The following STAU2 variants were observed in gnomAD, a reference collection of about 807,000 sequenced individuals.
STAU2 encodes the protein staufen double-stranded RNA binding protein 2.
STAU2 carries 20 observed loss-of-function variants against 65.9 expected under a neutral mutation model. The ratio of observed to expected loss-of-function variants is 0.30; its 90% CI spans 0.21 to 0.44. The LOEUF (loss-of-function observed/expected upper bound fraction) is 0.44. Ranked by LOEUF, STAU2 falls within the 20% of genes least tolerant of loss-of-function variation. The pLI, the probability that STAU2 is intolerant of heterozygous loss-of-function variation, is 1.00. For missense variants in STAU2, 558 were observed against 683.9 expected, an observed-to-expected ratio of 0.82 and a Z score of 2.05; for synonymous variants, 232 against 233.9, an observed-to-expected ratio of 0.99 and a Z score of 0.07.
intron 6 of STAU2, among the ~76,000 whole-genome samples, chr8:73,622,145 T>TTTTTGTTTC (rs1403757136): frequency 1.5e-5 from 1 of 65,020 alleles, no homozygotes; most frequent in Non-Finnish European, 2.6e-5. Flanking sequence ...TTTTTTTTTT[T>TTTTTGTTTC]GAGACGGAGT....
At chr8:73,583,188 C>T (rs1784904684) in intron 11 of STAU2, among the ~76,000 whole-genome samples, 4 of 151,178 alleles carry the variant, frequency 2.6e-5, no homozygotes, top group Admixed American at 2.6e-4. Flanking sequence ...ATTCTGTCGC[C>T]CAGGCTGGAA....
intron 6 of STAU2, among the ~76,000 whole-genome samples, chr8:73,644,636 A>G (rs945752782): frequency 6.6e-6 from 1 of 152,172 alleles, no homozygotes; most frequent in African/African-American, 2.4e-5. Flanking sequence ...AAAAAACTAT[A>G]CATAAAAGCA....
At chr8:73,711,732 T>C (rs957962667) in intron 3 of STAU2, among the ~76,000 whole-genome samples, 1 of 152,158 alleles carries the variant, frequency 6.6e-6, no homozygotes, top group Non-Finnish European at 1.5e-5. Flanking sequence ...ATAAAACTTA[T>C]ATTCCATTAA....
intron 5 of STAU2, 117 bp downstream of exon 5, chr8:73,688,533 GGTAT>G: frequency 3.4e-6 from 2 of 585,306 alleles, no homozygotes; most frequent in Non-Finnish European, 6.0e-6. Flanking sequence ...TGTGTGTGTA[GGTAT>G]GGGCATATGT....
chr8:73,457,610 C>T (rs1009078225), intron 13 of STAU2, among the ~76,000 whole-genome samples: 1 of 152,344 alleles, frequency 6.6e-6, no homozygotes, highest in South Asian at 2.1e-4. Flanking sequence ...GTCCCTATGA[C>T]GCCAAGGCTT....
intron 6 of STAU2, among the ~76,000 whole-genome samples, chr8:73,629,633 C>T (rs573961255): frequency 1.3e-5 from 2 of 152,284 alleles, no homozygotes; most frequent in East Asian, 3.9e-4. Context: ...AGATTATTGA[C>T]AGTAATCATT....
At chr8:73,624,570 T>A (rs1043494559) in intron 6 of STAU2, among the ~76,000 whole-genome samples, 1 of 152,162 alleles carries the variant, frequency 6.6e-6, no homozygotes, top group African/African-American at 2.4e-5. Context: ...ATTTTACAGA[T>A]GAGGAAACTG....
At chr8:73,504,713 GA>G (rs1027833548) in intron 13 of STAU2, among the ~76,000 whole-genome samples, 4 of 141,454 alleles carry the variant, frequency 2.8e-5, no homozygotes, top group African/African-American at 5.2e-5. Flanking sequence ...CAGCTGATTT[GA>G]AAAAAAAAAC....
intron 6 of STAU2, among the ~76,000 whole-genome samples, chr8:73,671,074 AC>A (rs1484398103): frequency 6.6e-6 from 1 of 152,060 alleles, no homozygotes; most frequent in Non-Finnish European, 1.5e-5. Flanking sequence ...AAAAAGGATA[AC>A]AAATATCTAA....
intron 5 of STAU2, among the ~76,000 whole-genome samples, chr8:73,681,888 T>G (rs1168794231): frequency 6.6e-6 from 1 of 152,008 alleles, no homozygotes; most frequent in African/African-American, 2.4e-5. Context: ...AAGAGGGACA[T>G]TACATAATGA....
At chr8:73,452,566 T>G (rs1818855483) in intron 13 of STAU2, among the ~76,000 whole-genome samples, 1 of 152,220 alleles carries the variant, frequency 6.6e-6, no homozygotes, top group South Asian at 2.1e-4. Context: ...GCTGTGCTCT[T>G]CCCTCTCCTT....
chr8:73,514,945 T>C (rs1236428787), intron 13 of STAU2, among the ~76,000 whole-genome samples: 1 of 152,216 alleles, frequency 6.6e-6, no homozygotes, highest in Non-Finnish European at 1.5e-5. Context: ...TAGCATCTAG[T>C]ACAGTGGTGG....
chr8:73,504,679 T>C (rs1821958752), intron 13 of STAU2, among the ~76,000 whole-genome samples: 1 of 151,982 alleles, frequency 6.6e-6, no homozygotes, highest in African/African-American at 2.4e-5. Context: ...ATAAATAAGG[T>C]TGTCTCCTTT....
intron 6 of STAU2, among the ~76,000 whole-genome samples, chr8:73,631,976 A>G (rs1814124035): frequency 6.9e-6 from 1 of 145,690 alleles, no homozygotes; most frequent in Non-Finnish European, 1.5e-5. Context: ...GAGAGGAGGG[A>G]TAAGGACGAG....
chr8:73,532,181 T>A (rs1298444981), intron 13 of STAU2, among the ~76,000 whole-genome samples: 1 of 152,136 alleles, frequency 6.6e-6, no homozygotes, highest in Non-Finnish European at 1.5e-5. Context: ...GCAATAAGAT[T>A]CTAAGTTCCA....
intron 13 of STAU2, among the ~76,000 whole-genome samples, chr8:73,423,445 T>C (rs561344458): frequency 6.6e-6 from 1 of 152,322 alleles, no homozygotes; most frequent in South Asian, 2.1e-4. Context: ...TGTTATTTCT[T>C]TGAGTAAGAA....
intron 5 of STAU2, among the ~76,000 whole-genome samples, chr8:73,678,287 G>A (rs1017502502): frequency 5.9e-5 from 9 of 151,900 alleles, no homozygotes; most frequent in Non-Finnish European, 8.8e-5. Context: ...CATTCAAGTC[G>A]TCCCAATTCA....
In STAU2 at chr8:73,523,025, G is replaced by A. The variant is rs549044305; in HGVS notation, c.1530+28987C>T. ...AGTCTGCCCAACATGGTGAAACCCCGTCTCTACTAAAAATACAAAAATTAG... is the reference window on the plus strand; with the variant it reads ...AGTCTGCCCAACATGGTGAAACCCCATCTCTACTAAAAATACAAAAATTAG... On this transcript the variant is annotated intron_variant, in intron 13 of 14. Transcript: ENST00000524300. Among the ~76,000 whole-genome samples, 4 of 151,802 alleles carry A rather than the reference G, an allele frequency of 2.6e-5. No individual in the cohort carries two copies. The East Asian group carries it at 7.8e-4, about 29-fold the overall frequency.
chr8:73,739,600 TAATA>T (rs1294083182), intron 2 of STAU2, among the ~76,000 whole-genome samples, 152 bp downstream of exon 2: 1 of 152,222 alleles, frequency 6.6e-6, no homozygotes, highest in Non-Finnish European at 1.5e-5. Flanking sequence ...TTGAAAACTT[TAATA>T]TTTTTCTTAC....
Sources: allele counts gnomAD v4.1 joint callset (sites outside exome capture counted in the v4.1 genomes callset), GRCh38; gene constraint gnomAD v4.1.1; transcripts MANE v1.5; gene names NCBI Gene and HGNC (gene_info 2026-07-23, HGNC 2026-07-21).